Variants in BANP observed in about 807,000 individuals in gnomAD.
BANP encodes protein BANP.
BANP carries 11 observed loss-of-function variants against 68.1 expected under a neutral mutation model. The observed-to-expected ratio is 0.16, with a 90% CI of 0.10 to 0.27. The LOEUF (loss-of-function observed/expected upper bound fraction) is 0.27. Ranked by LOEUF, BANP falls within the 10% of genes least tolerant of loss-of-function variation. The probability of loss-of-function intolerance (pLI) is 1.00; values close to 1 mark genes in which losing one functional copy is unlikely to be tolerated. For synonymous variants in BANP, 329 were observed against 303.2 expected (o/e 1.09, Z -0.88); for missense variants, 504 against 722.7 (o/e 0.70, Z 3.47).
At chr16:88,058,612 C>T (rs766520298) in intron 11 of BANP, among the ~76,000 whole-genome samples, 2 of 152,190 alleles carry the variant, frequency 1.3e-5, no homozygotes, top group Non-Finnish European at 1.5e-5. Flanking sequence ...CCACCACCAT[C>T]GTTCTTTCCA....
chr16:88,021,280 C>A (rs2075980955), intron 7 of BANP, among the ~76,000 whole-genome samples: 1 of 152,190 alleles, frequency 6.6e-6, no homozygotes, highest in South Asian at 2.1e-4. Context: ...AGCACGGTCC[C>A]CTGGCAGGGG....
chr16:88,001,980 A>G (rs772434115), intron 4 of BANP, among the ~76,000 whole-genome samples: 4 of 152,192 alleles, frequency 2.6e-5, no homozygotes, highest in East Asian at 1.9e-4. Flanking sequence ...GATTTGTTCA[A>G]CTACAATGGT....
Position 88,034,720 on chromosome 16 carries a change from A to G in BANP, c.1201-603A>G, listed in dbSNP as rs142027265. ...GTGTGTCATGCACATTTTAAAATTT[A>G]CTTGTTTAGTAACATTTAAAGATGT... On this transcript the variant is annotated intron_variant, in intron 9 of 13. Coordinates refer to ENST00000682872, the MANE Select transcript of BANP (RefSeq NM_001386991.1). Among the ~76,000 whole-genome samples the G allele has an allele frequency of 3.9e-5, 6 of 152,242 alleles. No homozygotes were observed. The East Asian group carries it at 1.2e-3, about 29-fold the overall frequency.
chr16:88,075,583 G>A (rs1461792337), intron 13 of BANP, among the ~76,000 whole-genome samples: 4 of 152,180 alleles, frequency 2.6e-5, no homozygotes, highest in South Asian at 2.1e-4. Flanking sequence ...CCGTGGGCTC[G>A]TGGCTTCTCC....
chr16:88,021,322 C>T (rs2075988129), intron 7 of BANP, among the ~76,000 whole-genome samples: 2 of 152,198 alleles, frequency 1.3e-5, no homozygotes, highest in African/African-American at 4.8e-5. Context: ...TGCTGGAAGT[C>T]CCTCCGGGGT....
intron 8 of BANP, among the ~76,000 whole-genome samples, chr16:88,032,807 T>A (rs1360641989): frequency 6.6e-6 from 1 of 152,216 alleles, no homozygotes; most frequent in Non-Finnish European, 1.5e-5. Flanking sequence ...GAAACAGCTT[T>A]TAATGTCCAC....
chr16:87,975,005 G>A (rs1343275049), intron 1 of BANP, 43 bp from the exon 2 acceptor site: 5 of 880,090 alleles, frequency 5.7e-6, no homozygotes, highest in East Asian at 5.1e-5. Context: ...CACGTGTAGC[G>A]ATGGTTAATG....
intron 4 of BANP, among the ~76,000 whole-genome samples, chr16:87,988,777 A>T (rs2065122433): frequency 6.6e-6 from 1 of 152,144 alleles, no homozygotes; most frequent in Admixed American, 6.5e-5. Context: ...GAGTGCGAGA[A>T]GCTGCCCCCT....
intron 1 of BANP, among the ~76,000 whole-genome samples, chr16:87,964,903 CAG>C (rs567634539): frequency 6.5e-4 from 99 of 152,230 alleles, no homozygotes; most frequent in African/African-American, 2.1e-3. Context: ...GGGTGGGTGA[CAG>C]GGGCTCAGTT....
intron 2 of BANP, 67 bp downstream of exon 2, chr16:87,975,252 C>T (rs761481031): frequency 2.0e-6 from 3 of 1,491,592 alleles, no homozygotes; most frequent in Admixed American, 3.5e-5. Context: ...AAAGCTGCTC[C>T]AGTTATTTTC....
chr16:88,020,083 G>A lies in BANP; in HGVS notation c.895+1416G>A, dbSNP rs868039868. Among the ~76,000 whole-genome samples the A allele has an allele frequency of 5.9e-5, 9 of 152,210 alleles. No individual in the cohort carries two copies. The South Asian group carries it at 1.2e-3, about 21-fold the overall frequency. On this transcript the variant is annotated intron_variant, in intron 7 of 13. Coordinates refer to ENST00000682872, the MANE Select transcript of BANP (RefSeq NM_001386991.1). ...TAACTCCTGGGAGACCACACGTGGG[G>A]CCTCCTCACAGCTTCTCAGCGGTGG...
rs2091723966 is a variant in BANP, at chr16:88,077,052, T to C, written c.*391T>C. Reference sequence around the variant, plus strand: ...GGGGAGTAGCAGGAGCCCTTTGCTGTGTGCTCTGTCCAGTGTCATGAGACG... The same window carrying C: ...GGGGAGTAGCAGGAGCCCTTTGCTGCGTGCTCTGTCCAGTGTCATGAGACG... On this transcript the variant is annotated 3_prime_UTR_variant, in exon 14 of 14. Coordinates refer to ENST00000682872, the MANE Select transcript of BANP (RefSeq NM_001386991.1). The C allele has an allele frequency of 4.1e-6, 1 of 242,070 alleles. No homozygotes were observed. The highest frequency in any genetic ancestry group is 2.3e-5 in the African/African-American group (1 of 43,180). The allele number at this position is 242,070 out of a possible 1,614,324, so 15.0% of individuals were successfully genotyped here. A position where few individuals can be genotyped will look rare whatever the true frequency, so the allele number is the denominator to read the frequency against.
chr16:88,004,071 C>G lies in BANP; in HGVS notation c.363-224C>G. 1 of 507,546 alleles carries G rather than the reference C, an allele frequency of 2.0e-6. No individual in the cohort carries two copies. Among genetic ancestry groups the G allele is most frequent in the Non-Finnish European group, 3.6e-6 (1 of 280,320 alleles). 31.4% of individuals were successfully genotyped at this position (507,546 alleles called of 1,614,324 possible). ...GATCACCAACAATTAGGAAAAGTTACGTTCTGCTAAAAACCCCATCTCCAG... is the reference window on the plus strand; with the variant it reads ...GATCACCAACAATTAGGAAAAGTTAGGTTCTGCTAAAAACCCCATCTCCAG... On this transcript the variant is annotated intron_variant, in intron 4 of 13. Transcript: ENST00000682872. The surrounding 1 kb of genome is among the most constrained non-coding windows in gnomAD (Gnocchi z 7.0).
At chr16:87,967,783 C>G (rs2060331156) in intron 1 of BANP, among the ~76,000 whole-genome samples, 1 of 151,424 alleles carries the variant, frequency 6.6e-6, no homozygotes, top group Admixed American at 6.6e-5. Flanking sequence ...CCACCACGCC[C>G]TGCTAATTTT....
At chr16:88,031,274 C>A (rs148111946) in intron 8 of BANP, among the ~76,000 whole-genome samples, 87 of 152,350 alleles carry the variant, frequency 5.7e-4, no homozygotes, top group African/African-American at 2.0e-3. Context: ...CTTGTTGAAT[C>A]TCCTTTGAAT....
At chr16:87,978,629 A>C (rs917053947) in intron 2 of BANP, 1 of 470,148 alleles carries the variant, frequency 2.1e-6, no homozygotes, top group Non-Finnish European at 4.4e-6. Context: ...GGCCGAAGGC[A>C]TAGCCGTGTG....
intron 11 of BANP, among the ~76,000 whole-genome samples, chr16:88,050,175 G>A (rs1051562299): frequency 1.4e-4 from 21 of 152,212 alleles, no homozygotes; most frequent in Non-Finnish European, 7.3e-5. Flanking sequence ...GCTAATCGAT[G>A]AGACACAGTC....
intron 1 of BANP, among the ~76,000 whole-genome samples, chr16:87,962,422 G>A (rs1455234060): frequency 6.6e-6 from 1 of 151,950 alleles, no homozygotes; most frequent in Non-Finnish European, 1.5e-5. Flanking sequence ...TTCAAATATG[G>A]TAAATATCGA....
chr16:88,056,126 C>T (rs1194278713), intron 11 of BANP, among the ~76,000 whole-genome samples: 2 of 152,334 alleles, frequency 1.3e-5, no homozygotes, highest in Non-Finnish European at 2.9e-5. Context: ...GTGGTGTCTC[C>T]TGCCTGTGGC....
Sources: gnomAD v4.1 joint callset for allele counts (sites outside exome capture counted in the v4.1 genomes callset) on GRCh38, gnomAD v4.1.1 for gene constraint, Gnocchi (gnomAD v3.1) non-coding constraint, MANE v1.5 for transcripts, NCBI Gene and HGNC (gene_info 2026-07-23, HGNC 2026-07-21) for gene names.